ACER3: variants seen among roughly 807,000 people sequenced by gnomAD.
ACER3 encodes the protein alkCDase 3.
A neutral mutation model predicts 48.9 loss-of-function variants in ACER3; 16 were observed. The observed-to-expected ratio is 0.33, with a 90% CI of 0.22 to 0.50. ACER3 has a LOEUF of 0.50. ACER3 is among the 20% of genes least tolerant of loss of function. The pLI, the probability that ACER3 is intolerant of heterozygous loss-of-function variation, is 0.98. For synonymous variants in ACER3, 109 were observed against 107.8 expected (o/e 1.01, Z -0.07); for missense variants, 227 against 326.0 (o/e 0.70, Z 2.34).
chr11:76,997,394 T>C (rs1948937430), intron 6 of ACER3, among the ~76,000 whole-genome samples: 1 of 152,202 alleles, frequency 6.6e-6, no homozygotes, highest in African/African-American at 2.4e-5. Flanking sequence ...TACTAGATTG[T>C]GATTGCTGTG....
chr11:76,934,360 C>G (rs1431994451), intron 2 of ACER3, among the ~76,000 whole-genome samples: 25 of 151,452 alleles, frequency 1.7e-4, no homozygotes, highest in Middle Eastern at 3.2e-3. Flanking sequence ...AGGTTGTAGC[C>G]AGCCGAGATC....
At chr11:76,870,676 A>G (rs1018084696) in intron 1 of ACER3, among the ~76,000 whole-genome samples, 4 of 152,182 alleles carry the variant, frequency 2.6e-5, no homozygotes, top group African/African-American at 9.7e-5. Flanking sequence ...TTAATTTATT[A>G]TTACTCCTAC....
intron 1 of ACER3, among the ~76,000 whole-genome samples, chr11:76,872,057 AC>A (rs34594363): frequency 4.3e-5 from 3 of 69,370 alleles, no homozygotes; most frequent in Admixed American, 4.7e-4. Flanking sequence ...CCCCAACTTT[AC>A]CCCCCAAACC....
intron 7 of ACER3, among the ~76,000 whole-genome samples, chr11:77,009,148 G>T (rs1194693826): frequency 6.6e-6 from 1 of 152,206 alleles, no homozygotes; most frequent in South Asian, 2.1e-4. Context: ...ATAAAGAAAA[G>T]AAGTTTAATT....
intron 3 of ACER3, among the ~76,000 whole-genome samples, chr11:76,961,791 T>G (rs1948001616): frequency 7.0e-6 from 1 of 143,390 alleles, no homozygotes; most frequent in African/African-American, 2.9e-5. Flanking sequence ...AAATGATGTA[T>G]TAAATGAAAT....
intron 7 of ACER3, among the ~76,000 whole-genome samples, chr11:77,010,573 A>T (rs1466895966): frequency 1.3e-5 from 2 of 152,152 alleles, no homozygotes; most frequent in African/African-American, 4.8e-5. Context: ...AGAGGCAATT[A>T]CCAAAATAAT....
At chr11:77,017,305 T>C (rs1327187157) in intron 9 of ACER3, among the ~76,000 whole-genome samples, 1 of 151,878 alleles carries the variant, frequency 6.6e-6, no homozygotes, top group South Asian at 2.1e-4. Context: ...GAAGAGACAT[T>C]ACAATGCTGC....
intron 3 of ACER3, among the ~76,000 whole-genome samples, chr11:76,965,514 A>G (rs1421279218): frequency 1.3e-5 from 2 of 151,380 alleles, no homozygotes; most frequent in South Asian, 2.1e-4. Context: ...TCTCAGATTC[A>G]CGAAAGCTGA....
chr11:77,008,505 T>G (rs1949199808), intron 7 of ACER3, among the ~76,000 whole-genome samples: 1 of 152,224 alleles, frequency 6.6e-6, no homozygotes, highest in Non-Finnish European at 1.5e-5. Flanking sequence ...ATCATTTCAT[T>G]TAGCACTGGT....
chr11:76,979,257 T>C (rs1565211264), intron 4 of ACER3, among the ~76,000 whole-genome samples: 1 of 152,368 alleles, frequency 6.6e-6, no homozygotes, highest in South Asian at 2.1e-4. Context: ...TCAAAGTTAA[T>C]GGTACACACT....
intron 1 of ACER3, among the ~76,000 whole-genome samples, chr11:76,888,815 T>C (rs1269644636): frequency 6.6e-6 from 1 of 152,190 alleles, no homozygotes; most frequent in Non-Finnish European, 1.5e-5. Context: ...CTTATTCTCT[T>C]GGTTAGCAGC....
chr11:76,924,596 T>C (rs1946768457), intron 1 of ACER3, among the ~76,000 whole-genome samples: 1 of 152,092 alleles, frequency 6.6e-6, no homozygotes, highest in Admixed American at 6.5e-5. Flanking sequence ...TTTAAGATAT[T>C]GTCTGTTGTC....
In ACER3 at chr11:76,968,781, C is replaced by G. The variant is rs547963864; in HGVS notation, c.268-7508C>G. Among the ~76,000 whole-genome samples the G allele has an allele frequency of 9.2e-5, 14 of 152,324 alleles. No individual in the cohort carries two copies. In the East Asian group the frequency reaches 1.7e-3, roughly 19 times the overall value. ...CTGGATCCCTTCTTTACACCTTATA[C>G]AAAAATTAATTCAAGATGGATTAAA... On this transcript the variant is annotated intron_variant, in intron 3 of 10. Transcript: ENST00000532485.
Position 76,965,923 on chromosome 11 carries a change from ACAT to A in ACER3, c.267+6896_267+6898del, listed in dbSNP as rs1301185975. On this transcript the variant is annotated intron_variant, in intron 3 of 10. Coordinates refer to ENST00000532485, the MANE Select transcript of ACER3 (RefSeq NM_018367.7). ...AACTAACGAGCAAAATAACCAGCTA[ACAT>A]CATAATGACAGGATCAAATTCACAC... Among the ~76,000 whole-genome samples, 3 of 151,420 alleles carry A rather than the reference ACAT, an allele frequency of 2.0e-5. No individual in the cohort carries two copies. In the East Asian group the frequency reaches 5.8e-4, roughly 29 times the overall value.
Position 77,022,854 on chromosome 11 carries a change from G to T in ACER3, c.*2527G>T, listed in dbSNP as rs1949492212. 1 of 289,868 alleles carries T rather than the reference G, an allele frequency of 3.4e-6. No homozygotes were observed. Among genetic ancestry groups the T allele is most frequent in the African/African-American group, 2.3e-5 (1 of 44,258 alleles). 18.0% of individuals were successfully genotyped at this position (289,868 alleles called of 1,614,324 possible). The stretch of plus-strand genomic sequence containing the variant: ...TTGTGAGGCCGGGCATGGTGGCAGA[G>T]CGAGACTCCGTCTCAAAAAAAAAAA... On this transcript the variant is annotated 3_prime_UTR_variant, in exon 11 of 11. Coordinates refer to ENST00000532485, the MANE Select transcript of ACER3 (RefSeq NM_018367.7).
At chr11:76,904,773 C>T (rs568778810) in intron 1 of ACER3, among the ~76,000 whole-genome samples, 17 of 152,304 alleles carry the variant, frequency 1.1e-4, no homozygotes, top group Non-Finnish European at 2.5e-4. Context: ...TCTCAACCCA[C>T]ATCTGTGGCC....
At chr11:76,951,964 T>A (rs2134990795) in intron 2 of ACER3, among the ~76,000 whole-genome samples, 3 of 152,268 alleles carry the variant, frequency 2.0e-5, no homozygotes, top group Admixed American at 2.0e-4. Context: ...TTATCAAACA[T>A]TATTTCTTGG....
intron 3 of ACER3, among the ~76,000 whole-genome samples, chr11:76,966,385 C>T (rs1948138148): frequency 6.6e-6 from 1 of 150,692 alleles, no homozygotes; most frequent in East Asian, 1.9e-4. Context: ...CCACTGTCAA[C>T]ATTAGACAGA....
At chr11:76,964,398 A>G (rs1948081956) in intron 3 of ACER3, among the ~76,000 whole-genome samples, 1 of 151,386 alleles carries the variant, frequency 6.6e-6, no homozygotes, top group Non-Finnish European at 1.5e-5. Context: ...CAGGGAACAG[A>G]CAAACAAAAG....
Sources: allele counts gnomAD v4.1 joint callset (sites outside exome capture counted in the v4.1 genomes callset), GRCh38; gene constraint gnomAD v4.1.1; transcripts MANE v1.5; gene names NCBI Gene and HGNC (gene_info 2026-07-23, HGNC 2026-07-21).